The following PIK3CD variants were observed in gnomAD, a reference collection of about 807,000 sequenced individuals.
PIK3CD encodes phosphatidylinositol 4,5-bisphosphate 3-kinase catalytic subunit delta isoform.
Under a neutral mutation model 122.9 loss-of-function variants are expected in PIK3CD, and 20 were observed. The ratio of observed to expected loss-of-function variants is 0.16; its 90% CI spans 0.11 to 0.24. The LOEUF (loss-of-function observed/expected upper bound fraction) is 0.24, where lower values mean the gene tolerates loss of function less well. Ranked by LOEUF, PIK3CD falls within the 10% of genes least tolerant of loss-of-function variation. The pLI, the probability that PIK3CD is intolerant of heterozygous loss-of-function variation, is 1.00. For missense variants in PIK3CD, 787 were observed against 1,406.3 expected (o/e 0.56, Z 7.04); for synonymous variants, 596 against 593.4 (o/e 1.00, Z -0.06).
chr1:9,720,858 A>G lies in PIK3CD; in HGVS notation c.1638A>G (p.Leu546=). 1 of 1,610,048 alleles carries G rather than the reference A, an allele frequency of 6.2e-7. No homozygotes were observed. Among genetic ancestry groups the G allele is most frequent in the Non-Finnish European group, 8.5e-7 (1 of 1,178,418 alleles). The part of the protein sequence containing the change: ...HEVQEHFPEA[L]ARLLLVTKWN... The stretch of plus-strand genomic sequence containing the variant: ...TCCAGGAGCACTTCCCGGAGGCGCT[A>G]GCCCGGCTGCTGCTGGTCACCAAGT... Residue 546 remains leucine, a synonymous_variant, in exon 13 of 24, where the codon CTA becomes CTG. Transcript: ENST00000377346. This position sits in a 1 kb window ranked among gnomAD's most constrained non-coding sequence, Gnocchi z 9.0.
chr1:9,645,305 C>A, the PIK3CD span, among the ~76,000 whole-genome samples: 1 of 152,070 alleles, frequency 6.6e-6, no homozygotes, highest in Non-Finnish European at 1.5e-5. Context: ...AGGCGTGAGC[C>A]ACCGCTTGCC....
chr1:9,644,469 G>GAT, the PIK3CD span, among the ~76,000 whole-genome samples: 1 of 150,072 alleles, frequency 6.7e-6, no homozygotes, highest in African/African-American at 2.5e-5. Context: ...AGTGAGCCGA[G>GAT]ATCTCACCAC....
rs1649819308 is a variant in PIK3CD at position 9,727,349 on chromosome 1, T to G, written c.*303T>G. 2.1e-6 allele frequency: 1 copy of G among 477,480 alleles called. No individual in the cohort carries two copies. The highest frequency in any genetic ancestry group is 1.9e-5 in the African/African-American group (1 of 51,596). The allele number at this position is 477,480 out of a possible 1,614,324, so 29.6% of individuals were successfully genotyped here. A position where few individuals can be genotyped will look rare whatever the true frequency, so the allele number is the denominator to read the frequency against. On this transcript the variant is annotated 3_prime_UTR_variant, in exon 24 of 24. Transcript: ENST00000377346. ...TGGTGGATCTGGGCCCAGCAAAGAC[T>G]GTTCTCCTCCCGAGGGAACCTTCTT...
At chr1:9,654,086 A>G (rs1312853036) in intron 1 of PIK3CD, 1 of 1,183,330 alleles carries the variant, frequency 8.5e-7, no homozygotes, top group South Asian at 1.3e-5. Flanking sequence ...AACATAATAC[A>G]ACAACCCAGT....
At chr1:9,701,701 A>G (rs1232361316) in intron 2 of PIK3CD, among the ~76,000 whole-genome samples, 1 of 151,692 alleles carries the variant, frequency 6.6e-6, no homozygotes, top group Non-Finnish European at 1.5e-5. Flanking sequence ...CCAATAAGAT[A>G]TGAGAGCCAA....
rs1425911475 is a variant in PIK3CD, at chr1:9,727,312, A to T, written c.*266A>T. 1.9e-5 allele frequency: 10 copies of T among 525,228 alleles called. No individual in the cohort carries two copies. Among genetic ancestry groups the T allele is most frequent in the Non-Finnish European group, 3.4e-5 (10 of 290,158 alleles). The allele number at this position is 525,228 out of a possible 1,614,324, so 32.5% of individuals were successfully genotyped here. ...GCTCTCGGCTGAGGATTGTCACCCC[A>T]AGTCTTCCAGCTGGTGGATCTGGGC... On this transcript the variant is annotated 3_prime_UTR_variant, in exon 24 of 24. Transcript: ENST00000377346.
intron 1 of PIK3CD, among the ~76,000 whole-genome samples, chr1:9,684,853 A>G (rs2100321386): frequency 6.6e-6 from 1 of 151,132 alleles, no homozygotes; most frequent in South Asian, 2.1e-4. Context: ...CTCAAAAAAA[A>G]AAAAAAAAGA....
the PIK3CD span, among the ~76,000 whole-genome samples, chr1:9,636,220 G>A: frequency 6.6e-6 from 1 of 152,084 alleles, no homozygotes; most frequent in East Asian, 1.9e-4. Flanking sequence ...GGGGGACATG[G>A]TCTCACTCTG....
At chr1:9,693,866 C>T (rs1402883586) in intron 2 of PIK3CD, among the ~76,000 whole-genome samples, 1 of 151,878 alleles carries the variant, frequency 6.6e-6, no homozygotes, top group Non-Finnish European at 1.5e-5. Context: ...TGGAGTGCTT[C>T]GAAAGGTGGT....
chr1:9,727,250 T>C lies in PIK3CD; in HGVS notation c.*204T>C. On this transcript the variant is annotated 3_prime_UTR_variant, in exon 24 of 24. Transcript: ENST00000377346. Reference sequence around the variant, plus strand: ...GCCATAAACGGAAACGCCTCCTTCATGCAGCGGCGGTGCTGGGCCCCCCGA... The same window carrying C: ...GCCATAAACGGAAACGCCTCCTTCACGCAGCGGCGGTGCTGGGCCCCCCGA... 1.6e-6 allele frequency: 1 copy of C among 637,400 alleles called. No individual in the cohort carries two copies. The highest frequency in any genetic ancestry group is 2.7e-6 in the Non-Finnish European group (1 of 366,236). 39.5% of individuals were successfully genotyped at this position (637,400 alleles called of 1,614,324 possible).
the PIK3CD span, among the ~76,000 whole-genome samples, chr1:9,633,029 T>C: frequency 1.3e-5 from 2 of 151,914 alleles, no homozygotes; most frequent in Admixed American, 6.6e-5. Flanking sequence ...ACCCGGCTAA[T>C]TTTTTGTATT....
chr1:9,716,121 A>G (rs777728848), intron 5 of PIK3CD, 43 bp downstream of exon 5: 2 of 1,489,172 alleles, frequency 1.3e-6, no homozygotes, highest in Non-Finnish European at 1.9e-6. Flanking sequence ...TGCTCTGTCC[A>G]TGGGGAGCAC....
chr1:9,629,921 G>T, the PIK3CD span, among the ~76,000 whole-genome samples: 19 of 152,114 alleles, frequency 1.2e-4, no homozygotes, highest in Non-Finnish European at 2.8e-4. Context: ...ATGGGGTGAG[G>T]GGGGAGTGGG....
upstream of PIK3CD, among the ~76,000 whole-genome samples, chr1:9,650,444 A>G (rs1375633423): frequency 2.6e-5 from 4 of 151,858 alleles, no homozygotes; most frequent in East Asian, 5.8e-4. Flanking sequence ...AAGAAACAAA[A>G]CAACAAAAAA....
At chr1:9,644,343 T>C in the PIK3CD span, among the ~76,000 whole-genome samples, 1 of 151,828 alleles carries the variant, frequency 6.6e-6, no homozygotes, top group Non-Finnish European at 1.5e-5. Flanking sequence ...GGTGAAACCC[T>C]GTCTCTACTA....
chr1:9,704,159 C>G lies in PIK3CD; in HGVS notation c.-32-6265C>G, dbSNP rs1309224888. ...TTCTCCTGTCCTGTCTCACTGGTGA[C>G]AGGACCTGGCATTTGATGTCCTGTG... On this transcript the variant is annotated intron_variant, in intron 2 of 23. Transcript: ENST00000377346. This position sits in a 1 kb window ranked among gnomAD's most constrained non-coding sequence, Gnocchi z 5.0. Among the ~76,000 whole-genome samples, 3 of 152,224 alleles carry G rather than the reference C, an allele frequency of 2.0e-5. No homozygotes were observed. Among genetic ancestry groups the G allele is most frequent in the African/African-American group, 7.2e-5 (3 of 41,464 alleles).
intron 6 of PIK3CD, 69 bp downstream of exon 6, chr1:9,716,688 G>T (rs1441493277): frequency 6.7e-7 from 1 of 1,484,388 alleles, no homozygotes; most frequent in Non-Finnish European, 9.2e-7. Flanking sequence ...TGGGAGTCGG[G>T]GAGCTGACAT....
At chr1:9,681,941 A>G (rs1645770659) in intron 1 of PIK3CD, among the ~76,000 whole-genome samples, 1 of 152,180 alleles carries the variant, frequency 6.6e-6, no homozygotes, top group African/African-American at 2.4e-5. Flanking sequence ...AAGGGATTTC[A>G]GTCTGCCCAG....
chr1:9,679,416 A>AT (rs1320189345), intron 1 of PIK3CD, among the ~76,000 whole-genome samples: 1 of 152,104 alleles, frequency 6.6e-6, no homozygotes, highest in African/African-American at 2.4e-5. Context: ...TTGACTTCTC[A>AT]TGCTGGGCCT....
Sources: gnomAD v4.1 joint callset for allele counts (sites outside exome capture counted in the v4.1 genomes callset) on GRCh38, gnomAD v4.1.1 for gene constraint, Gnocchi (gnomAD v3.1) non-coding constraint, MANE v1.5 for transcripts, NCBI Gene and HGNC (gene_info 2026-07-23, HGNC 2026-07-21) for gene names.